Variants in NMT2 observed in about 807,000 individuals in gnomAD.
NMT2 encodes the protein glycylpeptide N-tetradecanoyltransferase 2.
A neutral mutation model predicts 65.4 loss-of-function variants in NMT2; 35 were observed. The ratio of observed to expected loss-of-function variants is 0.54; its 90% CI spans 0.41 to 0.71. The LOEUF (loss-of-function observed/expected upper bound fraction) is 0.71. Ranked by LOEUF, NMT2 falls within the 30% of genes least tolerant of loss-of-function variation. The probability of loss-of-function intolerance (pLI) is 0.00; values close to 1 mark genes in which losing one functional copy is unlikely to be tolerated. For missense variants in NMT2, 489 were observed against 611.3 expected (o/e 0.80, Z 2.11); for synonymous variants, 226 against 231.8 (o/e 0.98, Z 0.23).
At chr10:15,140,228 T>G (rs545911499) in intron 2 of NMT2, among the ~76,000 whole-genome samples, 16 of 152,160 alleles carry the variant, frequency 1.1e-4, no homozygotes, top group African/African-American at 3.9e-4. Context: ...GCTCAAGCTA[T>G]CCTCCCACCT....
At chr10:15,131,082 G>A (rs182907073) in intron 6 of NMT2, among the ~76,000 whole-genome samples, 1 of 151,900 alleles carries the variant, frequency 6.6e-6, no homozygotes, top group Admixed American at 6.6e-5. Context: ...ACCACCCACC[G>A]CACCTGGCCT....
rs1845607806 is a variant in NMT2 at position 15,112,811 on chromosome 10, G to A, written c.1323C>T (p.Leu441=). ...AGTGGCTTACCGATTTAGCCAGGAT[G>A]AGCGCGTCGCTCATGAGGTCCAGCA... ...TPLLDLMSDA[L]ILAKSKGFDV... is the part of the protein sequence containing the mutation. Residue 441 remains leucine (L), a synonymous_variant, in exon 10 of 12, where the codon CTC becomes CTT. Transcript: ENST00000378165. 2 of 1,612,632 alleles carry A rather than the reference G, an allele frequency of 1.2e-6. No individual in the cohort carries two copies. The highest frequency in any genetic ancestry group is 1.3e-5 in the African/African-American group (1 of 74,948).
At chr10:15,167,874 G>A (rs559944218) in intron 1 of NMT2, among the ~76,000 whole-genome samples, 1 of 152,332 alleles carries the variant, frequency 6.6e-6, no homozygotes, top group South Asian at 2.1e-4. Flanking sequence ...CTGCTCTGAA[G>A]AGCTCTAGGG....
intron 3 of NMT2, among the ~76,000 whole-genome samples, chr10:15,134,677 T>A (rs1371400228): frequency 6.6e-6 from 1 of 152,114 alleles, no homozygotes; most frequent in Non-Finnish European, 1.5e-5. Context: ...CAGAACCTTA[T>A]ATACATTTTT....
chr10:15,158,823 G>A (rs1462856291), intron 1 of NMT2, among the ~76,000 whole-genome samples: 2 of 151,932 alleles, frequency 1.3e-5, no homozygotes, highest in Non-Finnish European at 2.9e-5. Flanking sequence ...TTTGGTGAGG[G>A]CCTTATTCTT....
intron 1 of NMT2, chr10:15,154,791 C>G: frequency 1.4e-6 from 1 of 735,444 alleles, no homozygotes; most frequent in South Asian, 1.4e-5. Context: ...AAACACAAGT[C>G]AAACTTATTA....
At chr10:15,118,126 G>A (rs559496741) in intron 9 of NMT2, among the ~76,000 whole-genome samples, 3 of 152,200 alleles carry the variant, frequency 2.0e-5, no homozygotes, top group African/African-American at 7.2e-5. Flanking sequence ...TTCCTATATC[G>A]CTATAGCAAC....
intron 1 of NMT2, among the ~76,000 whole-genome samples, chr10:15,147,029 GT>G (rs1846986452): frequency 7.1e-6 from 1 of 140,458 alleles, no homozygotes; most frequent in Non-Finnish European, 1.5e-5. Flanking sequence ...GGAGGTCAAG[GT>G]TGCAGTAAGC....
Position 15,168,589 on chromosome 10 carries a change from C to G in NMT2, c.24G>C (p.Ala8=). ...CCAGTTCCAGGCTCTGCTGGCTGGC[C>G]GCAGACTCGCTGTCCTCCGCCATCG... MAEDSES[A]ASQQSLELDD... The change falls in exon 1 of 12, where the codon GCG becomes GCC. Residue 8 remains alanine, a synonymous_variant. Coordinates refer to ENST00000378165, the MANE Select transcript of NMT2 (RefSeq NM_004808.3). 1 of 1,586,712 alleles carries G rather than the reference C, an allele frequency of 6.3e-7. No homozygotes were observed. The highest frequency in any genetic ancestry group is 1.1e-5 in the South Asian group (1 of 89,278).
chr10:15,138,337 T>C (rs1400810695), intron 2 of NMT2: 1 of 470,738 alleles, frequency 2.1e-6, no homozygotes, highest in African/African-American at 2.0e-5. Context: ...TGAAAGTAGA[T>C]TCAAATAAAC....
At chr10:15,145,370 C>T (rs1284878685) in intron 1 of NMT2, among the ~76,000 whole-genome samples, 1 of 151,978 alleles carries the variant, frequency 6.6e-6, no homozygotes, top group Non-Finnish European at 1.5e-5. Context: ...GAATGGTATA[C>T]TTTATTTATT....
chr10:15,160,371 G>A (rs1453282148), intron 1 of NMT2, among the ~76,000 whole-genome samples: 1 of 152,174 alleles, frequency 6.6e-6, no homozygotes, highest in Non-Finnish European at 1.5e-5. Flanking sequence ...CAAGGAGCCC[G>A]GTGATGGGGC....
chr10:15,144,176 A>C (rs536182400), intron 1 of NMT2, among the ~76,000 whole-genome samples: 1 of 152,290 alleles, frequency 6.6e-6, no homozygotes, highest in Non-Finnish European at 1.5e-5. Context: ...CTAGTTCAGC[A>C]AGAGTTTTTC....
At chr10:15,162,110 G>T (rs1833218845) in intron 1 of NMT2, among the ~76,000 whole-genome samples, 1 of 152,064 alleles carries the variant, frequency 6.6e-6, no homozygotes, top group Non-Finnish European at 1.5e-5. Context: ...AAATTAGCCA[G>T]GTGTGGTGGC....
At chr10:15,110,275 T>G (rs1487548062) in intron 10 of NMT2, among the ~76,000 whole-genome samples, 1 of 151,670 alleles carries the variant, frequency 6.6e-6, no homozygotes, top group Non-Finnish European at 1.5e-5. Flanking sequence ...TTTTTTTTTT[T>G]CTTTCTTTAA....
chr10:15,149,236 T>C (rs1847065197), intron 1 of NMT2, among the ~76,000 whole-genome samples: 3 of 134,460 alleles, frequency 2.2e-5, no homozygotes, highest in Non-Finnish European at 3.1e-5. Context: ...ACTACCATCA[T>C]TGCCACTGTC....
intron 2 of NMT2, chr10:15,141,071 T>C (rs1846738761): frequency 6.6e-7 from 1 of 1,514,372 alleles, no homozygotes; most frequent in South Asian, 1.2e-5. Flanking sequence ...AATTACAATG[T>C]GAATATCTTC....
At chr10:15,136,604 C>G (rs1010257408) in intron 2 of NMT2, among the ~76,000 whole-genome samples, 1 of 152,132 alleles carries the variant, frequency 6.6e-6, no homozygotes, top group Middle Eastern at 3.2e-3. Context: ...ACACCCTGCC[C>G]TTCTCCTGAC....
At chr10:15,151,245 C>T (rs1004135600) in intron 1 of NMT2, among the ~76,000 whole-genome samples, 17 of 152,130 alleles carry the variant, frequency 1.1e-4, no homozygotes, top group South Asian at 8.3e-4. Flanking sequence ...TTAGTAGAGA[C>T]GGGGTTTCTC....
Sources: gnomAD v4.1 joint callset for allele counts (sites outside exome capture counted in the v4.1 genomes callset) on GRCh38, gnomAD v4.1.1 for gene constraint, MANE v1.5 for transcripts, NCBI Gene and HGNC (gene_info 2026-07-23, HGNC 2026-07-21) for gene names.